The following MET variants were observed in gnomAD, a reference collection of about 807,000 sequenced individuals.
MET encodes the protein MET proto-oncogene, receptor tyrosine kinase, also known as hepatocyte growth factor receptor.
In MET, 48 loss-of-function variants were observed where a neutral mutation model predicts 133.1. The ratio of observed to expected loss-of-function variants is 0.36; its 90% confidence interval spans 0.29 to 0.46. The LOEUF is 0.46. Among genes scored for constraint, MET ranks in the 20% least tolerant of loss-of-function variants. The probability of loss-of-function intolerance (pLI) is 1.00; values close to 1 mark genes in which losing one functional copy is unlikely to be tolerated. For missense variants in MET, 1,442 were observed against 1,695.9 expected (o/e 0.85, Z 2.63); for synonymous variants, 628 against 616.5 (o/e 1.02, Z -0.28).
chr7:116,769,835 G>A (rs1203469981), intron 12 of MET, 44 bp downstream of exon 12: 5 of 1,612,368 alleles, frequency 3.1e-6, no homozygotes, highest in Non-Finnish European at 4.2e-6. Flanking sequence ...AAGGAAGCCA[G>A]TGTAATTATG....
chr7:116,731,918 T>C lies in MET; in HGVS notation c.1392+59T>C, dbSNP rs561553348. 314 of 1,576,888 alleles carry C rather than the reference T, an allele frequency of 2.0e-4. 1 individual carries two copies. In the South Asian group the frequency reaches 3.3e-3, roughly 16 times the overall value. On this transcript the variant is annotated intron_variant, in intron 3 of 20. Coordinates refer to ENST00000397752, the MANE Select transcript of MET (RefSeq NM_000245.4). ...TATCTGGTATTGTGCAATTAATTTG[T>C]TTTCGTTTTTGCAGTAAGGTATTTG...
chr7:116,716,673 A>G (rs1792252226), intron 2 of MET, among the ~76,000 whole-genome samples: 1 of 152,222 alleles, frequency 6.6e-6, no homozygotes, highest in South Asian at 2.1e-4. Flanking sequence ...GGCTTTGAAC[A>G]TCATCAATGG....
chr7:116,795,917 T>C lies in MET; in HGVS notation c.3966T>C (p.Pro1322=), dbSNP rs372608840. The C allele has an allele frequency of 1.2e-6, 2 of 1,614,212 alleles. No homozygotes were observed. The highest frequency in any genetic ancestry group is 1.3e-5 in the African/African-American group (1 of 75,056). The change falls in exon 21 of 21, where the codon CCT becomes CCC. Residue 1322 remains proline, a synonymous_variant. Transcript: ENST00000397752. The part of the protein sequence containing the change: ...LYEVMLKCWH[P]KAEMRPSFSE... ...AAGTAATGCTAAAATGCTGGCACCC[T>C]AAAGCCGAAATGCGCCCATCCTTTT...
At chr7:116,785,100 CAT>C (rs1309496490) in intron 19 of MET, among the ~76,000 whole-genome samples, 1 of 152,206 alleles carries the variant, frequency 6.6e-6, no homozygotes, top group Non-Finnish European at 1.5e-5. Context: ...CTCCATGTCT[CAT>C]ATCCAGGGCA....
intron 19 of MET, among the ~76,000 whole-genome samples, chr7:116,785,199 G>A (rs79717477): frequency 2.8e-3 from 426 of 152,274 alleles, no homozygotes; most frequent in African/African-American, 9.1e-3. Flanking sequence ...TGCTTTCATC[G>A]GCTGGCATTG....
chr7:116,772,032 C>T (rs2116998778), intron 14 of MET, 43 bp downstream of exon 14: 1 of 1,601,942 alleles, frequency 6.2e-7, no homozygotes, highest in East Asian at 2.2e-5. Context: ...TATACATATA[C>T]CTCAGTGGGT....
At chr7:116,779,586 T>G (rs1366143829) in intron 17 of MET, among the ~76,000 whole-genome samples, 1 of 152,176 alleles carries the variant, frequency 6.6e-6, no homozygotes, top group East Asian at 1.9e-4. Flanking sequence ...CACACTTAAC[T>G]GTCATCTGAT....
At chr7:116,735,647 G>A (rs1294013018) in intron 3 of MET, among the ~76,000 whole-genome samples, 4 of 152,074 alleles carry the variant, frequency 2.6e-5, no homozygotes, top group Non-Finnish European at 2.9e-5. Flanking sequence ...GCTTCAACTT[G>A]AACAATGATT....
intron 5 of MET, among the ~76,000 whole-genome samples, chr7:116,741,459 A>C (rs570802138): frequency 1.3e-5 from 2 of 152,180 alleles, no homozygotes; most frequent in East Asian, 3.9e-4. Context: ...ATGAGCCTCC[A>C]TCACAGAAAC....
At chr7:116,726,018 CAG>C (rs1273442882) in intron 2 of MET, among the ~76,000 whole-genome samples, 8 of 147,846 alleles carry the variant, frequency 5.4e-5, no homozygotes, top group Non-Finnish European at 1.2e-4. Flanking sequence ...GCATGGGTGA[CAG>C]GGGGATACCC....
rs1159554633 is a variant in MET, at chr7:116,758,555, A to G, written c.2199A>G (p.Thr733=). The change falls in exon 9 of 21, where the codon ACA becomes ACG. Residue 733 remains threonine, a synonymous_variant. Transcript: ENST00000397752. ...AAATTGACTTAGCCAACCGAGAGACAAGCATCTTCAGTTACCGTGAAGATC... is the reference window on the plus strand; with the variant it reads ...AAATTGACTTAGCCAACCGAGAGACGAGCATCTTCAGTTACCGTGAAGATC... ...KLKIDLANRE[T]SIFSYREDPI... The G allele has an allele frequency of 6.2e-7, 1 of 1,613,886 alleles. No individual in the cohort carries two copies. The highest frequency in any genetic ancestry group is 8.5e-7 in the Non-Finnish European group (1 of 1,179,886).
At chr7:116,751,341 A>G (rs1205604402) in intron 5 of MET, among the ~76,000 whole-genome samples, 1 of 152,168 alleles carries the variant, frequency 6.6e-6, no homozygotes, top group African/African-American at 2.4e-5. Context: ...CAGACACTGC[A>G]TGTTCTCACT....
intron 2 of MET, among the ~76,000 whole-genome samples, chr7:116,715,493 T>A (rs1290627957): frequency 6.6e-6 from 1 of 152,234 alleles, no homozygotes; most frequent in Non-Finnish European, 1.5e-5. Context: ...CCAGGATGAT[T>A]TCATCTCAAG....
chr7:116,691,215 AT>A (rs1183061745), intron 1 of MET, among the ~76,000 whole-genome samples: 1 of 152,242 alleles, frequency 6.6e-6, no homozygotes, highest in Non-Finnish European at 1.5e-5. Context: ...CATTATTTCC[AT>A]TTTGAGATTA....
intron 14 of MET, among the ~76,000 whole-genome samples, chr7:116,772,829 T>C (rs556060143): frequency 6.6e-6 from 1 of 152,334 alleles, no homozygotes; most frequent in Non-Finnish European, 1.5e-5. Flanking sequence ...TACTACCTCT[T>C]ATGTTTTGAA....
intron 2 of MET, among the ~76,000 whole-genome samples, chr7:116,726,277 C>T (rs1792782764): frequency 6.8e-6 from 1 of 147,966 alleles, no homozygotes; most frequent in African/African-American, 2.5e-5. Context: ...ATATTCCTCC[C>T]CCTCCTGGAA....
At chr7:116,740,477 T>C (rs1317252459) in intron 4 of MET, among the ~76,000 whole-genome samples, 1 of 152,210 alleles carries the variant, frequency 6.6e-6, no homozygotes, top group Non-Finnish European at 1.5e-5. Flanking sequence ...CAGAATGACA[T>C]GCAACTTTAC....
In MET at chr7:116,762,978, T is replaced by C. The variant is rs998902975; in HGVS notation, c.2365-72T>C. On this transcript the variant is annotated intron_variant, in intron 10 of 20. Coordinates refer to ENST00000397752, the MANE Select transcript of MET (RefSeq NM_000245.4). ...ATATATTTTCAATTGATTGGGGTGG[T>C]AAATTATAAAGTTGCTATGGATGTT... 4.0e-6 allele frequency: 5 copies of C among 1,250,660 alleles called. No homozygotes were observed. In the Admixed American group the frequency reaches 8.4e-5, roughly 21 times the overall value. 77.5% of individuals were successfully genotyped at this position (1,250,660 alleles called of 1,614,324 possible).
intron 2 of MET, among the ~76,000 whole-genome samples, chr7:116,722,142 G>A (rs1792516931): frequency 6.6e-6 from 1 of 151,596 alleles, no homozygotes; most frequent in Non-Finnish European, 1.5e-5. Flanking sequence ...AGGTCACTCA[G>A]GACTTGCTTT....
Sources: allele counts gnomAD v4.1 joint callset (sites outside exome capture counted in the v4.1 genomes callset), GRCh38; gene constraint gnomAD v4.1.1; transcripts MANE v1.5; gene names NCBI Gene and HGNC (gene_info 2026-07-23, HGNC 2026-07-21).